GXYLT1: variants seen among roughly 807,000 people sequenced by gnomAD.
GXYLT1 encodes the protein glycosyltransferase 8 domain containing 3.
GXYLT1 carries 29 observed loss-of-function variants against 54.0 expected under a neutral mutation model. The ratio of observed to expected loss-of-function variants is 0.54; its 90% CI spans 0.40 to 0.73. The LOEUF (loss-of-function observed/expected upper bound fraction) is 0.73. GXYLT1 is among the 30% of genes least tolerant of loss of function. The pLI, the probability that GXYLT1 is intolerant of heterozygous loss-of-function variation, is 0.00. For missense variants in GXYLT1, 490 were observed against 553.4 expected (o/e 0.89, Z 1.15); for synonymous variants, 176 against 204.1 (o/e 0.86, Z 1.17).
In GXYLT1 at chr12:42,098,760, CATATATAT is replaced by C. The variant is rs60199719; in HGVS notation, c.865-735_865-728del. Among the ~76,000 whole-genome samples the C allele has an allele frequency of 3.8e-4, 37 of 96,922 alleles. No homozygotes were observed. The South Asian group carries it at 4.8e-3, about 12-fold the overall frequency. The allele number at this position is 96,922 out of a possible 152,430, so 63.6% of individuals were successfully genotyped here. ...TTCATTTATCTTATTAAATTTAAAA[CATATATAT>C]ATATATATATATATATAATACATGT... On this transcript the variant is annotated intron_variant, in intron 5 of 7. Coordinates refer to ENST00000398675, the MANE Select transcript of GXYLT1 (RefSeq NM_173601.2).
At chr12:42,103,335 T>A (rs1337722604) in intron 5 of GXYLT1, among the ~76,000 whole-genome samples, 2 of 152,196 alleles carry the variant, frequency 1.3e-5, no homozygotes, top group African/African-American at 4.8e-5. Context: ...AAGAACCAGG[T>A]GACAGCAAGG....
In GXYLT1 at chr12:42,106,085, T is replaced by G; in HGVS notation, c.613-16A>C. The G allele has an allele frequency of 7.0e-7, 1 of 1,437,010 alleles. No homozygotes were observed. The highest frequency in any genetic ancestry group is 9.3e-7 in the Non-Finnish European group (1 of 1,077,034). 89.0% of individuals were successfully genotyped at this position (1,437,010 alleles called of 1,614,324 possible). A position where few individuals can be genotyped will look rare whatever the true frequency, so the allele number is the denominator to read the frequency against. ...TCAGGATTAACTACAAGGAGAGATA[T>G]TTGAATGATTAACTATAATTCTATT... is the stretch of plus-strand genomic sequence containing the variant. On this transcript the variant is annotated splice_polypyrimidine_tract_variant and intron_variant, in intron 4 of 7. Transcript: ENST00000398675.
chr12:42,095,547 A>G (rs1046198254), intron 7 of GXYLT1, among the ~76,000 whole-genome samples: 1 of 152,212 alleles, frequency 6.6e-6, no homozygotes, highest in African/African-American at 2.4e-5. Context: ...ATTACAGAAC[A>G]TACATACATC....
intron 5 of GXYLT1, among the ~76,000 whole-genome samples, chr12:42,103,210 C>T (rs1490852272): frequency 2.0e-5 from 3 of 152,190 alleles, no homozygotes; most frequent in Admixed American, 6.5e-5. Flanking sequence ...CCACCCACCT[C>T]GGTCTCCCAA....
chr12:42,095,786 G>A (rs539716480), intron 7 of GXYLT1, among the ~76,000 whole-genome samples: 4 of 152,174 alleles, frequency 2.6e-5, no homozygotes, highest in Non-Finnish European at 4.4e-5. Context: ...ATACGGAAAC[G>A]AATGAATCCA....
At chr12:42,113,775 G>A (rs61520073) in intron 3 of GXYLT1, among the ~76,000 whole-genome samples, 3,966 of 150,696 alleles carry the variant, frequency 0.026, 397 homozygotes, top group African/African-American at 0.094. Context: ...TGCACCAAGC[G>A]GACCTAATAG....
chr12:42,116,073 C>T (rs2065492699), intron 3 of GXYLT1, among the ~76,000 whole-genome samples: 1 of 151,934 alleles, frequency 6.6e-6, no homozygotes, highest in African/African-American at 2.4e-5. Flanking sequence ...AACTGGCTAG[C>T]CATACGTAGA....
At chr12:42,136,399 T>C (rs974039276) in intron 1 of GXYLT1, among the ~76,000 whole-genome samples, 2 of 152,228 alleles carry the variant, frequency 1.3e-5, no homozygotes, top group East Asian at 3.8e-4. Flanking sequence ...ATAATTTTAA[T>C]GAGGCAAAGC....
chr12:42,123,296 G>A (rs1167679266), intron 2 of GXYLT1, among the ~76,000 whole-genome samples: 1 of 152,146 alleles, frequency 6.6e-6, no homozygotes, highest in Non-Finnish European at 1.5e-5. Context: ...GTATGTCCCT[G>A]TTCTTAGGAG....
chr12:42,117,932 C>T (rs1343989059), intron 3 of GXYLT1, among the ~76,000 whole-genome samples: 1 of 152,160 alleles, frequency 6.6e-6, no homozygotes, highest in Non-Finnish European at 1.5e-5. Context: ...AAGGATACTG[C>T]CCTTCTTCAC....
At chr12:42,121,320 A>G (rs2065529792) in intron 2 of GXYLT1, among the ~76,000 whole-genome samples, 1 of 152,224 alleles carries the variant, frequency 6.6e-6, no homozygotes, top group Non-Finnish European at 1.5e-5. Context: ...GACAAGAAGT[A>G]TATTAAACCT....
rs1229155977 is a variant in GXYLT1 at position 42,081,994 on chromosome 12, T to C, written c.*5792A>G. 6.6e-6 allele frequency: 1 copy of C among 152,224 alleles called. No individual in the cohort carries two copies. Among genetic ancestry groups the C allele is most frequent in the African/African-American group, 2.4e-5 (1 of 41,460 alleles). The allele number at this position is 152,224 out of a possible 1,614,324, so 9.4% of individuals were successfully genotyped here. Reference sequence around the variant, plus strand: ...GTTTAGACCAGAATCTTTAATTTTATATTCTCCTTTAATAACTGTCAAAAT... The same window carrying C: ...GTTTAGACCAGAATCTTTAATTTTACATTCTCCTTTAATAACTGTCAAAAT... On this transcript the variant is annotated 3_prime_UTR_variant, in exon 8 of 8. Transcript: ENST00000398675.
intron 7 of GXYLT1, among the ~76,000 whole-genome samples, chr12:42,094,336 A>G (rs2065343802): frequency 8.1e-6 from 1 of 123,286 alleles, no homozygotes. Flanking sequence ...GGGTGACAAG[A>G]GCATAACCCT....
intron 5 of GXYLT1, among the ~76,000 whole-genome samples, chr12:42,102,889 A>G (rs2065398007): frequency 6.6e-6 from 1 of 151,750 alleles, no homozygotes; most frequent in Non-Finnish European, 1.5e-5. Flanking sequence ...AGTTGTATTT[A>G]ATATTTAATT....
chr12:42,096,949 T>A (rs1444814537), intron 7 of GXYLT1, among the ~76,000 whole-genome samples: 1 of 151,944 alleles, frequency 6.6e-6, no homozygotes, highest in African/African-American at 2.4e-5. Context: ...TAAGGAAACA[T>A]TAGACAGGCC....
rs762717313 is a variant in GXYLT1 at position 42,109,608 on chromosome 12, T to C, written c.570A>G (p.Lys190=). The C allele has an allele frequency of 1.3e-6, 2 of 1,599,474 alleles. No homozygotes were observed. Among genetic ancestry groups the C allele is most frequent in the South Asian group, 2.3e-5 (2 of 87,722 alleles). Reference sequence around the variant, plus strand: ...GCGAAGCACATGGTTTAAAGAGTTTTTTCCACTCTGCTGCATTCTCACTTG... The same window carrying C: ...GCGAAGCACATGGTTTAAAGAGTTTCTTCCACTCTGCTGCATTCTCACTTG... ...TFPSENAAEW[K]KLFKPCASQR... The change falls in exon 4 of 8, where the codon AAA becomes AAG. Residue 190 remains lysine, a synonymous_variant. Transcript: ENST00000398675.
Position 42,087,684 on chromosome 12 carries a change from G to T in GXYLT1, c.*102C>A, listed in dbSNP as rs1592098048. On this transcript the variant is annotated 3_prime_UTR_variant, in exon 8 of 8. Transcript: ENST00000398675. ...CTTTAGGAAAAAAAAAATTATTCTG[G>T]AGATGAGTAATTCCTTCCTGAATAC... The T allele has an allele frequency of 1.3e-6, 1 of 780,976 alleles. No homozygotes were observed. The highest frequency in any genetic ancestry group is 3.2e-5 in the East Asian group (1 of 31,110). The allele number at this position is 780,976 out of a possible 1,614,324, so 48.4% of individuals were successfully genotyped here. A position where few individuals can be genotyped will look rare whatever the true frequency, so the allele number is the denominator to read the frequency against.
chr12:42,092,809 T>C (rs535638768), intron 7 of GXYLT1, among the ~76,000 whole-genome samples: 11 of 152,232 alleles, frequency 7.2e-5, no homozygotes, highest in Non-Finnish European at 1.3e-4. Flanking sequence ...ACTGGAAGAA[T>C]TGTCTTGGAC....
Position 42,136,753 on chromosome 12 carries a change from T to TACATACATACAC in GXYLT1, c.222-6903_222-6902insGTGTATGTATGT, listed in dbSNP as rs1274303954. The stretch of plus-strand genomic sequence containing the variant: ...AAAACCAATTACAGGAGGTTTTTTA[T>TACATACATACAC]ACATACATACATACATACATACATA... On this transcript the variant is annotated intron_variant, in intron 1 of 7. Coordinates refer to ENST00000398675, the MANE Select transcript of GXYLT1 (RefSeq NM_173601.2). 2.0e-5 allele frequency among the ~76,000 whole-genome samples: 3 copies of TACATACATACAC among 146,874 alleles called. No homozygotes were observed. The East Asian group carries it at 5.9e-4, about 29-fold the overall frequency.
Sources: allele counts gnomAD v4.1 joint callset (sites outside exome capture counted in the v4.1 genomes callset), GRCh38; gene constraint gnomAD v4.1.1; transcripts MANE v1.5; gene names NCBI Gene and HGNC (gene_info 2026-07-23, HGNC 2026-07-21).